FARS2: variants seen among roughly 807,000 people sequenced by gnomAD.
The protein encoded by FARS2 is phenylalanine--tRNA ligase, mitochondrial.
In FARS2, 40 loss-of-function variants were observed where a neutral mutation model predicts 46.4. The observed-to-expected ratio is 0.86, with a 90% CI of 0.67 to 1.12. The LOEUF (loss-of-function observed/expected upper bound fraction) is 1.12, where lower values mean the gene tolerates loss of function less well. Among genes scored for constraint, FARS2 ranks in the 50% most tolerant of loss-of-function variants. The pLI, the probability that FARS2 is intolerant of heterozygous loss-of-function variation, is 0.00. For synonymous variants in FARS2, 234 were observed against 214.9 expected (o/e 1.09, Z -0.78); for missense variants, 513 against 567.9 (o/e 0.90, Z 0.98).
At chr6:5,546,389 T>G (rs917095371) in intron 5 of FARS2, among the ~76,000 whole-genome samples, 7 of 151,546 alleles carry the variant, frequency 4.6e-5, no homozygotes, top group Admixed American at 3.3e-4. Context: ...CAGCTGGGAT[T>G]ACAGGCGCCC....
At chr6:5,534,515 AT>A (rs982191895) in intron 4 of FARS2, among the ~76,000 whole-genome samples, 6 of 151,464 alleles carry the variant, frequency 4.0e-5, no homozygotes, top group Admixed American at 3.9e-4. Flanking sequence ...GAAAGCTTAG[AT>A]TTTTTTTTGC....
chr6:5,600,612 G>A (rs1370641380), intron 5 of FARS2, among the ~76,000 whole-genome samples: 4 of 152,150 alleles, frequency 2.6e-5, no homozygotes, highest in East Asian at 3.8e-4. Flanking sequence ...GGAAAACAAA[G>A]TAACTGATAG....
intron 1 of FARS2, among the ~76,000 whole-genome samples, chr6:5,339,328 A>G (rs1293287276): frequency 1.3e-5 from 2 of 152,244 alleles, no homozygotes; most frequent in Non-Finnish European, 2.9e-5. Flanking sequence ...ATTTAAAATC[A>G]TGTTTAATAA....
intron 5 of FARS2, among the ~76,000 whole-genome samples, chr6:5,586,325 T>C (rs1383187397): frequency 6.6e-6 from 1 of 152,172 alleles, no homozygotes; most frequent in Non-Finnish European, 1.5e-5. Context: ...GCTTTTCAAC[T>C]TTGAGTGTGA....
At chr6:5,705,137 C>G (rs1758662432) in intron 6 of FARS2, among the ~76,000 whole-genome samples, 1 of 152,012 alleles carries the variant, frequency 6.6e-6, no homozygotes, top group Non-Finnish European at 1.5e-5. Context: ...GAGAAATGGC[C>G]AAAATTGTGG....
At chr6:5,613,423 A>G in intron 6 of FARS2, 103 bp downstream of exon 6, 6 of 917,314 alleles carry the variant, frequency 6.5e-6, no homozygotes, top group Non-Finnish European at 3.3e-6. Context: ...TATCTGAGAC[A>G]AAATGTCTTC....
intron 3 of FARS2, among the ~76,000 whole-genome samples, chr6:5,419,083 G>C (rs939154839): frequency 1.3e-5 from 2 of 151,866 alleles, no homozygotes. Flanking sequence ...CTTACTCTCT[G>C]TGTCTTTTTT....
intron 5 of FARS2, among the ~76,000 whole-genome samples, chr6:5,604,941 G>C: frequency 6.6e-6 from 1 of 152,104 alleles, no homozygotes; most frequent in East Asian, 1.9e-4. Context: ...TATTTAAGAA[G>C]ATATATACAT....
chr6:5,263,991 T>A (rs1173151806), intron 1 of FARS2, among the ~76,000 whole-genome samples: 1 of 152,158 alleles, frequency 6.6e-6, no homozygotes, highest in East Asian at 1.9e-4. Flanking sequence ...GCAGGTGGAT[T>A]GCTTGAGCCC....
At chr6:5,478,033 A>G (rs1213453555) in intron 4 of FARS2, among the ~76,000 whole-genome samples, 1 of 151,700 alleles carries the variant, frequency 6.6e-6, no homozygotes, top group African/African-American at 2.4e-5. Context: ...AAACAAACAA[A>G]CAAACAAAAA....
In FARS2 at chr6:5,546,929, G is replaced by GTTATTTTATTTTATTTTATT. The variant is rs58939691; in HGVS notation, c.1065+1601_1065+1620dup. ...TAAATTCTTTCACATATTCATAATGGTTATTTTATTTTATTTTATTTTATT... is the reference window on the plus strand; with the variant it reads ...TAAATTCTTTCACATATTCATAATGGTTATTTTATTTTATTTTATTTTATTTTATTTTATTTTATTTTATT... On this transcript the variant is annotated intron_variant, in intron 5 of 6. Coordinates refer to ENST00000274680, the MANE Select transcript of FARS2 (RefSeq NM_006567.5). 1.2e-3 allele frequency among the ~76,000 whole-genome samples: 178 copies of GTTATTTTATTTTATTTTATT among 151,166 alleles called. 2 individuals carry two copies. The highest frequency in any genetic ancestry group is 4.1e-3 in the African/African-American group (169 of 41,086).
At chr6:5,752,792 C>T (rs939291548) in intron 6 of FARS2, among the ~76,000 whole-genome samples, 2 of 152,246 alleles carry the variant, frequency 1.3e-5, no homozygotes, top group Admixed American at 6.5e-5. Flanking sequence ...GGCAGTTGCT[C>T]AGGATTACAC....
chr6:5,491,273 G>A (rs910627426), intron 4 of FARS2, among the ~76,000 whole-genome samples: 5 of 152,074 alleles, frequency 3.3e-5, no homozygotes, highest in African/African-American at 1.2e-4. Context: ...AAAAAATTGA[G>A]TCATTTTTAT....
chr6:5,549,798 C>T (rs1771263738), intron 5 of FARS2, among the ~76,000 whole-genome samples: 1 of 152,156 alleles, frequency 6.6e-6, no homozygotes, highest in African/African-American at 2.4e-5. Flanking sequence ...GGGCATTTTT[C>T]AGTCTACCAG....
At chr6:5,427,905 A>G (rs1004857982) in intron 3 of FARS2, among the ~76,000 whole-genome samples, 2 of 152,208 alleles carry the variant, frequency 1.3e-5, no homozygotes, top group East Asian at 1.9e-4. Flanking sequence ...ATCCAAAGCT[A>G]TAATTGTTTT....
At chr6:5,507,748 G>A (rs115034431) in intron 4 of FARS2, among the ~76,000 whole-genome samples, 4 of 152,332 alleles carry the variant, frequency 2.6e-5, no homozygotes, top group South Asian at 2.1e-4. Flanking sequence ...GTCAGACTGC[G>A]GACACGCCAT....
intron 6 of FARS2, among the ~76,000 whole-genome samples, chr6:5,683,601 T>C (rs1029010636): frequency 6.6e-6 from 1 of 151,882 alleles, no homozygotes; most frequent in African/African-American, 2.4e-5. Flanking sequence ...GTTTTTGTTT[T>C]TTTCTTTTTT....
intron 6 of FARS2, among the ~76,000 whole-genome samples, chr6:5,613,931 G>C (rs1775322987): frequency 1.3e-5 from 2 of 152,166 alleles, no homozygotes; most frequent in Non-Finnish European, 2.9e-5. Flanking sequence ...GAGAACAGAA[G>C]GATGATGGGC....
rs372630955 is a variant in FARS2, at chr6:5,610,905, G to A, written c.1066-2264G>A. ...AGGCAACGCTCTGTGTCCCACCGAC[G>A]TGGTATGTCCACTAGCTCACGCAGT... On this transcript the variant is annotated intron_variant, in intron 5 of 6. Transcript: ENST00000274680. 5.1e-4 allele frequency among the ~76,000 whole-genome samples: 78 copies of A among 152,176 alleles called. 1 individual carries two copies. Among genetic ancestry groups the A allele is most frequent in the Non-Finnish European group, 1.2e-4 (8 of 68,034 alleles).
Sources: gnomAD v4.1 joint callset for allele counts (sites outside exome capture counted in the v4.1 genomes callset) on GRCh38, gnomAD v4.1.1 for gene constraint, MANE v1.5 for transcripts, NCBI Gene and HGNC (gene_info 2026-07-23, HGNC 2026-07-21) for gene names.